RAPGEF4: variants seen among roughly 807,000 people sequenced by gnomAD.
RAPGEF4 encodes the protein RAP guanine-nucleotide-exchange factor (GEF) 4.
Under a neutral mutation model 147.9 loss-of-function variants are expected in RAPGEF4, and 66 were observed. That is an observed-to-expected ratio of 0.45 (90% CI 0.37 to 0.55). The LOEUF is 0.55. Among genes scored for constraint, RAPGEF4 ranks in the 20% least tolerant of loss-of-function variants. The pLI, the probability that RAPGEF4 is intolerant of heterozygous loss-of-function variation, is 0.00. For missense variants in RAPGEF4, 1,071 were observed against 1,257.3 expected (o/e 0.85, Z 2.24); for synonymous variants, 419 against 442.7 (o/e 0.95, Z 0.67).
chr2:172,965,361 C>T (rs1252080511), intron 8 of RAPGEF4: 2 of 649,398 alleles, frequency 3.1e-6, no homozygotes, highest in Non-Finnish European at 5.4e-6. Context: ...TTAAAGTTCT[C>T]TCATGAGCTG....
intron 4 of RAPGEF4, among the ~76,000 whole-genome samples, chr2:172,837,651 TG>T (rs1344404487): frequency 1.3e-5 from 2 of 152,224 alleles, no homozygotes; most frequent in Non-Finnish European, 2.9e-5. Context: ...TGTAGCTCAC[TG>T]TGGTCTTGAA....
chr2:172,940,465 G>T (rs12995177), intron 6 of RAPGEF4, among the ~76,000 whole-genome samples: 42,531 of 151,792 alleles, frequency 0.28, 7,283 homozygotes, highest in East Asian at 0.39. Context: ...TCATTTAAAA[G>T]TGTGGCACCT....
At chr2:172,982,771 T>C (rs979801896) in intron 10 of RAPGEF4, among the ~76,000 whole-genome samples, 4 of 152,168 alleles carry the variant, frequency 2.6e-5, no homozygotes, top group African/African-American at 9.7e-5. Context: ...GATACTAGTT[T>C]TATAATAAAT....
intron 4 of RAPGEF4, among the ~76,000 whole-genome samples, chr2:172,855,698 A>G (rs2357948): frequency 0.48 from 72,341 of 151,944 alleles, 17,606 homozygotes; most frequent in African/African-American, 0.58. Context: ...TTTTTGTTGG[A>G]TATAGAATTC....
At chr2:172,803,426 C>T (rs891320551) in intron 3 of RAPGEF4, among the ~76,000 whole-genome samples, 2 of 152,178 alleles carry the variant, frequency 1.3e-5, no homozygotes, top group African/African-American at 4.8e-5. Context: ...TACCATGGCC[C>T]CTTTTGGTCA....
At chr2:172,866,508 C>G (rs1694665997) in intron 4 of RAPGEF4, among the ~76,000 whole-genome samples, 1 of 152,130 alleles carries the variant, frequency 6.6e-6, no homozygotes, top group Admixed American at 6.5e-5. Flanking sequence ...CAGGGGCACT[C>G]TTCTGACTTT....
intron 4 of RAPGEF4, among the ~76,000 whole-genome samples, chr2:172,844,280 T>TGAGACTTTGGGCA (rs1170134873): frequency 6.6e-6 from 1 of 152,140 alleles, no homozygotes; most frequent in African/African-American, 2.4e-5. Flanking sequence ...GCTGGACCTG[T>TGAGACTTTGGGCA]GAGACTTTGG....
chr2:172,821,841 G>A (rs1356659803), intron 4 of RAPGEF4: 11 of 1,472,524 alleles, frequency 7.5e-6, no homozygotes, highest in Non-Finnish European at 9.0e-6. Context: ...TGTGGACTGA[G>A]AGCCACTCAG....
intron 12 of RAPGEF4, 144 bp from the exon 13 acceptor site, chr2:172,988,052 A>C: frequency 7.8e-7 from 1 of 1,275,698 alleles, no homozygotes; most frequent in Non-Finnish European, 1.0e-6. Context: ...GTGCCACCTG[A>C]ACAAGTTAAT....
intron 4 of RAPGEF4, among the ~76,000 whole-genome samples, chr2:172,893,481 G>A (rs1330202800): frequency 6.6e-6 from 1 of 152,176 alleles, no homozygotes; most frequent in African/African-American, 2.4e-5. Flanking sequence ...AAAGCGCATC[G>A]ACCCCCAGAT....
intron 4 of RAPGEF4, among the ~76,000 whole-genome samples, chr2:172,888,497 G>A (rs570377360): frequency 2.6e-5 from 4 of 152,252 alleles, no homozygotes; most frequent in Admixed American, 1.3e-4. Flanking sequence ...ATTTGTTGGT[G>A]GACCAACTTC....
At chr2:172,940,004 T>G (rs1686990509) in intron 6 of RAPGEF4, among the ~76,000 whole-genome samples, 1 of 152,190 alleles carries the variant, frequency 6.6e-6, no homozygotes, top group Non-Finnish European at 1.5e-5. Flanking sequence ...CATTCACCAA[T>G]ATTTCACTGT....
chr2:172,792,022 T>G (rs1168469869), intron 1 of RAPGEF4, among the ~76,000 whole-genome samples: 1 of 152,242 alleles, frequency 6.6e-6, no homozygotes, highest in East Asian at 1.9e-4. Context: ...CCAGTCAGTT[T>G]CTAGCTCATC....
chr2:173,042,478 C>T lies in RAPGEF4; in HGVS notation c.2853+5786C>T, dbSNP rs1417525993. ...TCTCTACTAAAAATACAAAAATTAG[C>T]CAGGCATGGTGGCGGGCGCCTGTAA... On this transcript the variant is annotated intron_variant, in intron 29 of 30. Coordinates refer to ENST00000397081, the MANE Select transcript of RAPGEF4 (RefSeq NM_007023.4). This position sits in a 1 kb window ranked among gnomAD's most constrained non-coding sequence, Gnocchi z 4.2. Among the ~76,000 whole-genome samples, 3 of 151,990 alleles carry T rather than the reference C, an allele frequency of 2.0e-5. No homozygotes were observed. The highest frequency in any genetic ancestry group is 6.6e-5 in the Admixed American group (1 of 15,262).
chr2:172,763,776 C>T (rs1364716783), intron 1 of RAPGEF4, among the ~76,000 whole-genome samples: 1 of 151,940 alleles, frequency 6.6e-6, no homozygotes, highest in Non-Finnish European at 1.5e-5. Flanking sequence ...GTTGACTTTT[C>T]CAGTTTAATG....
chr2:173,001,398 A>G (rs1324172338), intron 17 of RAPGEF4, 54 bp downstream of exon 17: 11 of 1,603,324 alleles, frequency 6.9e-6, no homozygotes, highest in Admixed American at 3.3e-5. Context: ...AACCCCCCCT[A>G]TCGAGGGCCA....
chr2:173,000,746 C>CTTTTTTTTTTTTTTTTTTT (rs869055162), intron 16 of RAPGEF4, among the ~76,000 whole-genome samples: 5 of 72,794 alleles, frequency 6.9e-5, no homozygotes, highest in Admixed American at 1.3e-4. Context: ...TCTTTTCTTT[C>CTTTTTTTTTTTTTTTTTTT]TTTCTTTTTT....
At chr2:173,007,539 G>C (rs1694603875) in intron 17 of RAPGEF4, among the ~76,000 whole-genome samples, 1 of 152,108 alleles carries the variant, frequency 6.6e-6, no homozygotes, top group Admixed American at 6.6e-5. Flanking sequence ...AACATTGGTG[G>C]CTAAGATTTA....
chr2:172,801,035 C>A (rs968235820), intron 3 of RAPGEF4, among the ~76,000 whole-genome samples: 3 of 152,058 alleles, frequency 2.0e-5, no homozygotes, highest in African/African-American at 7.2e-5. Context: ...TTGTGTGGCT[C>A]GTGTGAGGGG....
Sources: allele counts gnomAD v4.1 joint callset (sites outside exome capture counted in the v4.1 genomes callset), GRCh38; gene constraint gnomAD v4.1.1; non-coding constraint Gnocchi (gnomAD v3.1); transcripts MANE v1.5; gene names NCBI Gene and HGNC (gene_info 2026-07-23, HGNC 2026-07-21).